Variants in PRKAR2A observed in about 807,000 individuals in gnomAD.
PRKAR2A encodes the protein cAMP-dependent protein kinase type II-alpha regulatory subunit.
Under a neutral mutation model 51.9 loss-of-function variants are expected in PRKAR2A, and 29 were observed. The ratio of observed to expected loss-of-function variants is 0.56; its 90% CI spans 0.42 to 0.76. PRKAR2A has a LOEUF of 0.76. Ranked by LOEUF, PRKAR2A falls within the 30% of genes least tolerant of loss-of-function variation. PRKAR2A has a pLI of 0.00. For missense variants in PRKAR2A, 445 were observed against 512.1 expected, an observed-to-expected ratio of 0.87 and a Z score of 1.26; for synonymous variants, 178 against 186.2, an observed-to-expected ratio of 0.96 and a Z score of 0.36.
intron 1 of PRKAR2A, among the ~76,000 whole-genome samples, chr3:48,830,380 T>C (rs193095235): frequency 5.9e-5 from 9 of 152,260 alleles, no homozygotes; most frequent in Non-Finnish European, 1.0e-4. Flanking sequence ...TGAGCTGTCA[T>C]CTCCTTTGAT....
chr3:48,802,108 G>GA (rs2082599987), intron 2 of PRKAR2A, among the ~76,000 whole-genome samples: 1 of 151,742 alleles, frequency 6.6e-6, no homozygotes, highest in Non-Finnish European at 1.5e-5. Context: ...GGGGTTTCAC[G>GA]ATGTTGGCCA....
At chr3:48,830,756 G>T (rs558389342) in intron 1 of PRKAR2A, among the ~76,000 whole-genome samples, 92 of 152,198 alleles carry the variant, frequency 6.0e-4, no homozygotes, top group African/African-American at 2.2e-3. Flanking sequence ...TAGAATCAGT[G>T]GGAGCCCTGA....
At chr3:48,822,729 T>G (rs553008266) in intron 1 of PRKAR2A, among the ~76,000 whole-genome samples, 11 of 151,088 alleles carry the variant, frequency 7.3e-5, no homozygotes, top group South Asian at 6.3e-4. Context: ...ATGTTGTTTT[T>G]TTTTTTTTTT....
intron 4 of PRKAR2A, among the ~76,000 whole-genome samples, chr3:48,789,840 TCTCCCTCC>T (rs1251113327): frequency 6.6e-6 from 1 of 151,450 alleles, no homozygotes; most frequent in African/African-American, 2.4e-5. Context: ...TCCCTCCCTC[TCTCCCTCC>T]CTTCCTTTTG....
At chr3:48,773,877 T>C (rs757128380) in intron 5 of PRKAR2A, among the ~76,000 whole-genome samples, 9 of 151,948 alleles carry the variant, frequency 5.9e-5, no homozygotes, top group Admixed American at 4.6e-4. Context: ...AGAGGCACAA[T>C]CATGGCTCAT....
intron 1 of PRKAR2A, among the ~76,000 whole-genome samples, chr3:48,841,374 T>C (rs1210249627): frequency 6.6e-6 from 1 of 150,954 alleles, no homozygotes; most frequent in Non-Finnish European, 1.5e-5. Context: ...TGAAACACCA[T>C]CTCTACTAAA....
chr3:48,752,696 G>A (rs1461928750), intron 9 of PRKAR2A, among the ~76,000 whole-genome samples: 2 of 151,498 alleles, frequency 1.3e-5, no homozygotes, highest in Non-Finnish European at 1.5e-5. Flanking sequence ...AATCCCCCAT[G>A]CCCCCCACAT....
chr3:48,768,226 C>T (rs1011477803), intron 6 of PRKAR2A, among the ~76,000 whole-genome samples: 6 of 151,082 alleles, frequency 4.0e-5, no homozygotes, highest in Non-Finnish European at 8.8e-5. Flanking sequence ...CCCTGGGAGG[C>T]GAAGTTGCAG....
chr3:48,792,878 G>A (rs1401300595), intron 3 of PRKAR2A, among the ~76,000 whole-genome samples: 3 of 151,728 alleles, frequency 2.0e-5, no homozygotes, highest in Non-Finnish European at 4.4e-5. Flanking sequence ...GCAGTGAGCC[G>A]AATTCACGTC....
At chr3:48,755,317 A>G (rs768945238) in intron 9 of PRKAR2A, among the ~76,000 whole-genome samples, 2 of 151,660 alleles carry the variant, frequency 1.3e-5, no homozygotes, top group Admixed American at 6.6e-5. Flanking sequence ...TTTACTCAAT[A>G]TATTTTGCTA....
intron 1 of PRKAR2A, among the ~76,000 whole-genome samples, chr3:48,828,438 A>G (rs74604377): frequency 1.2e-3 from 184 of 151,412 alleles, no homozygotes; most frequent in Non-Finnish European, 1.9e-3. Context: ...ATTTTGCTGG[A>G]TGGGAATGGT....
chr3:48,842,692 T>C (rs1457332494), intron 1 of PRKAR2A, among the ~76,000 whole-genome samples: 4 of 152,154 alleles, frequency 2.6e-5, no homozygotes, highest in South Asian at 2.1e-4. Flanking sequence ...TTGTCTTTGG[T>C]TCTGTTTATA....
At chr3:48,799,352 C>G (rs939721984) in intron 2 of PRKAR2A, among the ~76,000 whole-genome samples, 4 of 152,132 alleles carry the variant, frequency 2.6e-5, no homozygotes, top group Non-Finnish European at 5.9e-5. Flanking sequence ...GGACATCAGT[C>G]CTATTAGATT....
At position 48,752,162 on chromosome 3, in the gene PRKAR2A, A is replaced by C. The variant is rs758998222; in HGVS notation, c.1081+14T>G. The C allele has an allele frequency of 6.3e-7, 1 of 1,599,044 alleles. No individual in the cohort carries two copies. Among genetic ancestry groups the C allele is most frequent in the East Asian group, 2.2e-5 (1 of 44,840 alleles). ...TTAGAAAAAGAATATTAATGCATAA[A>C]GAACTTTTCTTACCTAAGCATTTGA... On this transcript the variant is annotated intron_variant, in intron 10 of 10. Transcript: ENST00000265563.
At chr3:48,809,484 T>C (rs1306418538) in intron 1 of PRKAR2A, among the ~76,000 whole-genome samples, 2 of 149,232 alleles carry the variant, frequency 1.3e-5, no homozygotes, top group Non-Finnish European at 3.0e-5. Flanking sequence ...TAATCCTAGC[T>C]ATTCAGGAGT....
At chr3:48,756,576 C>A in intron 8 of PRKAR2A, 132 bp from the exon 9 acceptor site, 8 of 646,904 alleles carry the variant, frequency 1.2e-5, no homozygotes, top group South Asian at 4.2e-5. Flanking sequence ...CAATAGTAAA[C>A]AAATTCAGAG....
At chr3:48,832,024 C>T (rs948510893) in intron 1 of PRKAR2A, among the ~76,000 whole-genome samples, 3 of 152,070 alleles carry the variant, frequency 2.0e-5, no homozygotes, top group Non-Finnish European at 4.4e-5. Flanking sequence ...CCGGGTGGGG[C>T]GGCTCACGCC....
At chr3:48,754,241 CT>C (rs1195616357) in intron 9 of PRKAR2A, among the ~76,000 whole-genome samples, 232 of 124,992 alleles carry the variant, frequency 1.9e-3, no homozygotes, top group Admixed American at 2.2e-3. Context: ...CTACTTTTTT[CT>C]TTTTTTTTTT....
chr3:48,785,920 T>A (rs1295823493), intron 4 of PRKAR2A, among the ~76,000 whole-genome samples: 1 of 152,208 alleles, frequency 6.6e-6, no homozygotes, highest in Non-Finnish European at 1.5e-5. Flanking sequence ...ATTATTCTTT[T>A]GAATTTTCTG....
Sources: gnomAD v4.1 joint callset for allele counts (sites outside exome capture counted in the v4.1 genomes callset) on GRCh38, gnomAD v4.1.1 for gene constraint, MANE v1.5 for transcripts, NCBI Gene and HGNC (gene_info 2026-07-23, HGNC 2026-07-21) for gene names.